Variants in MSI2 observed in about 807,000 individuals in gnomAD.
The protein encoded by MSI2 is RNA-binding protein Musashi homolog 2.
In MSI2, 17 loss-of-function variants were observed where a neutral mutation model predicts 45.6. The observed-to-expected ratio is 0.37, with a 90% CI of 0.26 to 0.56. MSI2 has a LOEUF of 0.56. MSI2 is among the 20% of genes least tolerant of loss of function. MSI2 has a pLI of 0.77. For synonymous variants in MSI2, 156 were observed against 158.2 expected, an observed-to-expected ratio of 0.99 and a Z score of 0.11; for missense variants, 293 against 444.2, an observed-to-expected ratio of 0.66 and a Z score of 3.06.
At chr17:57,534,812 G>A (rs878939793) in intron 7 of MSI2, among the ~76,000 whole-genome samples, 3 of 152,232 alleles carry the variant, frequency 2.0e-5, no homozygotes, top group Non-Finnish European at 4.4e-5. Context: ...CAGGGGGAGC[G>A]GAGAATGGTG....
At chr17:57,470,763 CA>C (rs1369143096) in intron 6 of MSI2, among the ~76,000 whole-genome samples, 1 of 152,210 alleles carries the variant, frequency 6.6e-6, no homozygotes, top group Non-Finnish European at 1.5e-5. Context: ...GGTGGTAAAG[CA>C]GTAAAGTGAA....
intron 5 of MSI2, among the ~76,000 whole-genome samples, chr17:57,339,466 A>G (rs1009474582): frequency 3.9e-5 from 6 of 151,948 alleles, no homozygotes; most frequent in African/African-American, 1.5e-4. Flanking sequence ...AAGAACTGGC[A>G]GCGTTGGTTT....
intron 7 of MSI2, among the ~76,000 whole-genome samples, chr17:57,533,429 C>T (rs542919869): frequency 1.3e-5 from 2 of 152,358 alleles, no homozygotes; most frequent in South Asian, 2.1e-4. Context: ...TGACATTTTT[C>T]CTGGGGGCAC....
At chr17:57,345,843 A>G (rs1483107792) in intron 5 of MSI2, among the ~76,000 whole-genome samples, 1 of 150,740 alleles carries the variant, frequency 6.6e-6, no homozygotes, top group Non-Finnish European at 1.5e-5. Context: ...AAAATTAACT[A>G]ATGCCTGACT....
chr17:57,266,690 G>C (rs1907819871), intron 5 of MSI2: 1 of 152,228 alleles, frequency 6.6e-6, no homozygotes, highest in Non-Finnish European at 1.5e-5. Context: ...ATAAAAAAAA[G>C]TACAATGGTG....
intron 5 of MSI2, among the ~76,000 whole-genome samples, chr17:57,338,594 AACTCGT>A (rs1449268965): frequency 6.6e-6 from 1 of 152,148 alleles, no homozygotes; most frequent in Non-Finnish European, 1.5e-5. Context: ...AAGGCTGCAT[AACTCGT>A]AGCCGGGTCT....
intron 6 of MSI2, among the ~76,000 whole-genome samples, chr17:57,435,535 C>G (rs1247059516): frequency 6.6e-6 from 1 of 152,194 alleles, no homozygotes; most frequent in Non-Finnish European, 1.5e-5. Context: ...GCTAGGAGCA[C>G]CAAAGGTGAT....
intron 10 of MSI2, among the ~76,000 whole-genome samples, chr17:57,638,028 C>A (rs12603362): frequency 0.19 from 28,404 of 152,192 alleles, 2,685 homozygotes; most frequent in East Asian, 0.25. Context: ...AGCAAAAACA[C>A]GTGAAAGGCT....
intron 10 of MSI2, among the ~76,000 whole-genome samples, chr17:57,640,983 T>C (rs1475300941): frequency 6.6e-6 from 1 of 151,430 alleles, no homozygotes; most frequent in African/African-American, 2.4e-5. Flanking sequence ...AGGGCTAGAG[T>C]GTAGTGGTAT....
intron 6 of MSI2, among the ~76,000 whole-genome samples, chr17:57,481,653 T>C (rs1402020748): frequency 6.6e-6 from 1 of 152,250 alleles, no homozygotes; most frequent in Non-Finnish European, 1.5e-5. Context: ...AGAAAAATGT[T>C]TCATTTGAAA....
At chr17:57,467,699 G>T (rs904729650) in intron 6 of MSI2, among the ~76,000 whole-genome samples, 1 of 152,092 alleles carries the variant, frequency 6.6e-6, no homozygotes, top group African/African-American at 2.4e-5. Context: ...GGTGGAGAGG[G>T]TGATCCAGGA....
chr17:57,475,988 T>C lies in MSI2; in HGVS notation c.406-53688T>C, dbSNP rs560815136. Among the ~76,000 whole-genome samples, 3 of 152,312 alleles carry C rather than the reference T, an allele frequency of 2.0e-5. No homozygotes were observed. In the South Asian group the frequency reaches 6.2e-4, roughly 32 times the overall value. ...ACAGACAATCTCTCCCTCCCGACAATGTCAGCTGTGAACTGAAGATCTGAA... is the reference window on the plus strand; with the variant it reads ...ACAGACAATCTCTCCCTCCCGACAACGTCAGCTGTGAACTGAAGATCTGAA... On this transcript the variant is annotated intron_variant, in intron 6 of 13. Transcript: ENST00000284073.
At chr17:57,582,916 C>T (rs552519930) in intron 7 of MSI2, among the ~76,000 whole-genome samples, 3 of 152,264 alleles carry the variant, frequency 2.0e-5, no homozygotes, top group South Asian at 2.1e-4. Context: ...TTTTTAGCAA[C>T]AAAAACACTA....
At chr17:57,443,533 G>A (rs1489223962) in intron 6 of MSI2, among the ~76,000 whole-genome samples, 1 of 152,182 alleles carries the variant, frequency 6.6e-6, no homozygotes, top group East Asian at 1.9e-4. Flanking sequence ...CAGATCCATA[G>A]AACACGGTTG....
Position 57,513,333 on chromosome 17 carries a change from A to C in MSI2, c.406-16343A>C, listed in dbSNP as rs1051196360. On this transcript the variant is annotated intron_variant, in intron 6 of 13. Coordinates refer to ENST00000284073, the MANE Select transcript of MSI2 (RefSeq NM_138962.4). ...TGAGATAGGTACCAACTTGAAGTGA[A>C]GTAACAGAGGCACAGAAAGGTTGAG... Among the ~76,000 whole-genome samples, 5 of 152,146 alleles carry C rather than the reference A, an allele frequency of 3.3e-5. No homozygotes were observed. In the East Asian group the frequency reaches 9.7e-4, roughly 29 times the overall value.
At chr17:57,602,727 C>G (rs1038052672) in intron 8 of MSI2, among the ~76,000 whole-genome samples, 7 of 152,192 alleles carry the variant, frequency 4.6e-5, no homozygotes, top group African/African-American at 1.7e-4. Context: ...TGCTAAGTAA[C>G]TCATGGGTAC....
At chr17:57,482,519 A>G (rs2085667829) in intron 6 of MSI2, among the ~76,000 whole-genome samples, 1 of 152,202 alleles carries the variant, frequency 6.6e-6, no homozygotes, top group Non-Finnish European at 1.5e-5. Flanking sequence ...ATTCGTGTAC[A>G]TGGCGTGGAA....
intron 4 of MSI2, among the ~76,000 whole-genome samples, chr17:57,258,992 A>G (rs1907072431): frequency 6.6e-6 from 1 of 151,920 alleles, no homozygotes; most frequent in African/African-American, 2.4e-5. Flanking sequence ...TCATTTGAGT[A>G]TGGGTACTTT....
intron 5 of MSI2, among the ~76,000 whole-genome samples, chr17:57,375,510 G>T (rs1209968465): frequency 6.6e-6 from 1 of 152,218 alleles, no homozygotes; most frequent in East Asian, 1.9e-4. Flanking sequence ...TTGTATGCCA[G>T]GCAGCATGGA....
Sources: gnomAD v4.1 joint callset for allele counts (sites outside exome capture counted in the v4.1 genomes callset) on GRCh38, gnomAD v4.1.1 for gene constraint, MANE v1.5 for transcripts, NCBI Gene and HGNC (gene_info 2026-07-23, HGNC 2026-07-21) for gene names.